Variants in AGBL4 observed in about 807,000 individuals in gnomAD.
AGBL4 encodes AGBL carboxypeptidase 4.
A neutral mutation model predicts 66.4 loss-of-function variants in AGBL4; 58 were observed. The observed-to-expected ratio is 0.87, with a 90% CI of 0.71 to 1.09. The LOEUF (loss-of-function observed/expected upper bound fraction) is 1.09. AGBL4 is among the 50% of genes least tolerant of loss of function. The pLI is 0.00. For synonymous variants in AGBL4, 234 were observed against 222.9 expected (o/e 1.05, Z -0.44); for missense variants, 579 against 631.0 (o/e 0.92, Z 0.88).
At chr1:49,139,637 T>A (rs959225647) in intron 4 of AGBL4, among the ~76,000 whole-genome samples, 1 of 152,156 alleles carries the variant, frequency 6.6e-6, no homozygotes, top group Admixed American at 6.6e-5. Flanking sequence ...GCACTGTATG[T>A]ATAATAATTG....
At chr1:49,082,504 A>C (rs905888844) in intron 4 of AGBL4, among the ~76,000 whole-genome samples, 2 of 152,154 alleles carry the variant, frequency 1.3e-5, no homozygotes, top group Non-Finnish European at 2.9e-5. Flanking sequence ...TGTACTGGGG[A>C]ACTCCCATGT....
At chr1:48,860,259 T>C (rs1570854737) in intron 6 of AGBL4, among the ~76,000 whole-genome samples, 1 of 152,192 alleles carries the variant, frequency 6.6e-6, no homozygotes, top group East Asian at 1.9e-4. Flanking sequence ...AATAAGTTCA[T>C]ATTTCAATAA....
chr1:49,202,654 A>T (rs981656688), intron 4 of AGBL4, among the ~76,000 whole-genome samples: 1 of 152,142 alleles, frequency 6.6e-6, no homozygotes, highest in African/African-American at 2.4e-5. Context: ...TTAAACTATA[A>T]AACTCATAGA....
chr1:49,500,427 T>C (rs1309264350), intron 3 of AGBL4, among the ~76,000 whole-genome samples: 1 of 151,862 alleles, frequency 6.6e-6, no homozygotes, highest in African/African-American at 2.4e-5. Flanking sequence ...GCATTTGCTT[T>C]TGGGTTTTTG....
chr1:48,761,811 A>G (rs1644268372), intron 6 of AGBL4, among the ~76,000 whole-genome samples: 1 of 152,208 alleles, frequency 6.6e-6, no homozygotes, highest in African/African-American at 2.4e-5. Flanking sequence ...TATCTGATCT[A>G]AACTAAAATG....
At chr1:48,548,159 T>C (rs1348138131) in intron 11 of AGBL4, among the ~76,000 whole-genome samples, 6 of 152,026 alleles carry the variant, frequency 3.9e-5, no homozygotes, top group African/African-American at 1.2e-4. Context: ...ATAATACATG[T>C]GTAAATTATA....
chr1:49,591,179 A>G (rs1022413435), intron 3 of AGBL4, among the ~76,000 whole-genome samples: 1 of 152,120 alleles, frequency 6.6e-6, no homozygotes, highest in Non-Finnish European at 1.5e-5. Flanking sequence ...AACCAAAAAA[A>G]CACAAAACAA....
intron 3 of AGBL4, among the ~76,000 whole-genome samples, chr1:49,692,328 TA>T (rs756145325): frequency 1.3e-5 from 2 of 152,196 alleles, no homozygotes; most frequent in Non-Finnish European, 2.9e-5. Flanking sequence ...TTGTCTGTGC[TA>T]ATTCCACTGT....
intron 3 of AGBL4, among the ~76,000 whole-genome samples, chr1:49,687,468 G>A (rs1475542491): frequency 6.6e-6 from 1 of 152,012 alleles, no homozygotes; most frequent in African/African-American, 2.4e-5. Flanking sequence ...AATAGAAGCC[G>A]ACTTGAAAGA....
intron 4 of AGBL4, among the ~76,000 whole-genome samples, chr1:49,105,956 G>A (rs887451144): frequency 3.9e-5 from 6 of 152,012 alleles, no homozygotes; most frequent in African/African-American, 9.7e-5. Context: ...AAAGGACAAA[G>A]GAACATAAAA....
chr1:49,781,751 G>C (rs888903917), intron 2 of AGBL4, among the ~76,000 whole-genome samples: 2 of 151,948 alleles, frequency 1.3e-5, no homozygotes, highest in Non-Finnish European at 2.9e-5. Flanking sequence ...TAATATAAAA[G>C]TATCAATAAA....
intron 6 of AGBL4, among the ~76,000 whole-genome samples, chr1:48,771,016 T>C (rs1400349507): frequency 6.6e-6 from 1 of 152,134 alleles, no homozygotes; most frequent in Non-Finnish European, 1.5e-5. Flanking sequence ...AAAACAAAAA[T>C]CTCTATCTCA....
intron 3 of AGBL4, among the ~76,000 whole-genome samples, chr1:49,662,870 T>G (rs1646296806): frequency 6.6e-6 from 1 of 151,996 alleles, no homozygotes; most frequent in African/African-American, 2.4e-5. Flanking sequence ...AAGATCAAAA[T>G]GAAATCAAGA....
At chr1:49,937,627 T>C (rs1284739103) in intron 1 of AGBL4, among the ~76,000 whole-genome samples, 1 of 151,940 alleles carries the variant, frequency 6.6e-6, no homozygotes, top group African/African-American at 2.4e-5. Flanking sequence ...GAACAGAAAT[T>C]ATAACAAACT....
At chr1:48,759,436 A>G (rs2148657712) in intron 6 of AGBL4, 72 of 1,302,570 alleles carry the variant, frequency 5.5e-5, no homozygotes, top group Non-Finnish European at 7.3e-5. Flanking sequence ...AAAGCCCTTC[A>G]TTTTATAAAT....
intron 1 of AGBL4, among the ~76,000 whole-genome samples, chr1:49,945,847 A>C (rs1206367093): frequency 1.3e-5 from 2 of 152,034 alleles, no homozygotes; most frequent in Admixed American, 6.6e-5. Flanking sequence ...ACATAAACTG[A>C]AAGTAAAGAG....
intron 2 of AGBL4, among the ~76,000 whole-genome samples, chr1:49,836,707 C>A (rs1379402086): frequency 6.6e-6 from 1 of 152,238 alleles, no homozygotes; most frequent in East Asian, 1.9e-4. Context: ...TCCTCATCTT[C>A]GTGTATTTAT....
chr1:49,577,220 A>G (rs1209496429), intron 3 of AGBL4, among the ~76,000 whole-genome samples: 2 of 152,226 alleles, frequency 1.3e-5, no homozygotes, highest in East Asian at 3.9e-4. Flanking sequence ...GAGGATTTTA[A>G]TAATCAGGTG....
In AGBL4 at chr1:48,534,304, G is replaced by T; in HGVS notation, c.1392-11C>A. ...GGGGATTTTTCTTTCCTGCAAAGGG[G>T]GAGATAACAGAAAGAGAGAAGACAG... On this transcript the variant is annotated splice_polypyrimidine_tract_variant and intron_variant, in intron 13 of 13. Coordinates refer to ENST00000371839, the MANE Select transcript of AGBL4 (RefSeq NM_032785.4). The T allele has an allele frequency of 6.5e-7, 1 of 1,547,436 alleles. No homozygotes were observed.
Sources: allele counts gnomAD v4.1 joint callset (sites outside exome capture counted in the v4.1 genomes callset), GRCh38; gene constraint gnomAD v4.1.1; transcripts MANE v1.5; gene names NCBI Gene and HGNC (gene_info 2026-07-23, HGNC 2026-07-21).